HAPLN1: variants seen among roughly 807,000 people sequenced by gnomAD.
HAPLN1 encodes the protein Cartilage link protein.
In HAPLN1, 13 loss-of-function variants were observed where a neutral mutation model predicts 36.5. The observed-to-expected ratio is 0.36, with a 90% confidence interval of 0.23 to 0.57. The LOEUF is 0.57. HAPLN1 is among the 20% of genes least tolerant of loss of function. HAPLN1 has a pLI of 0.83. For synonymous variants in HAPLN1, 202 were observed against 169.8 expected (o/e 1.19, Z -1.48); for missense variants, 407 against 439.7 (o/e 0.93, Z 0.66).
intron 1 of HAPLN1, chr5:83,682,527 C>T (rs1387098460): frequency 1.3e-5 from 2 of 152,214 alleles, no homozygotes; most frequent in Non-Finnish European, 2.9e-5. Context: ...CTCCAATGCA[C>T]TTCATGCAGT....
chr5:83,655,442 C>T (rs1288945221), intron 2 of HAPLN1, among the ~76,000 whole-genome samples: 2 of 151,844 alleles, frequency 1.3e-5, no homozygotes, highest in East Asian at 1.9e-4. Context: ...CAAACATCCA[C>T]TGACCCTCAC....
intron 1 of HAPLN1, among the ~76,000 whole-genome samples, chr5:83,677,839 A>C (rs1750894019): frequency 6.6e-6 from 1 of 152,214 alleles, no homozygotes; most frequent in Admixed American, 6.5e-5. Context: ...AAAATAGTGA[A>C]TCAAGGACAT....
intron 1 of HAPLN1, among the ~76,000 whole-genome samples, chr5:83,690,360 G>A (rs1225536575): frequency 1.3e-5 from 2 of 152,056 alleles, no homozygotes; most frequent in African/African-American, 2.4e-5. Context: ...GTAGAAACAG[G>A]TTTTTTAGTA....
intron 1 of HAPLN1, among the ~76,000 whole-genome samples, chr5:83,685,316 G>A (rs1210689627): frequency 1.3e-5 from 2 of 152,118 alleles, no homozygotes; most frequent in East Asian, 3.9e-4. Flanking sequence ...ATGCCTCTGT[G>A]GCTTTGCACT....
At chr5:83,676,891 T>C (rs1156459583) in intron 1 of HAPLN1, among the ~76,000 whole-genome samples, 1 of 152,188 alleles carries the variant, frequency 6.6e-6, no homozygotes, top group Non-Finnish European at 1.5e-5. Context: ...TCTATGTTCA[T>C]AGTCAAAGAC....
chr5:83,718,092 T>C (rs1216943361), intron 1 of HAPLN1, among the ~76,000 whole-genome samples: 4 of 152,220 alleles, frequency 2.6e-5, no homozygotes, highest in Non-Finnish European at 4.4e-5. Flanking sequence ...GACCTGTCTG[T>C]CTAAAACAAA....
intron 2 of HAPLN1, among the ~76,000 whole-genome samples, chr5:83,666,672 G>C (rs1750560325): frequency 6.6e-6 from 1 of 151,906 alleles, no homozygotes; most frequent in African/African-American, 2.4e-5. Flanking sequence ...AAATTTAATG[G>C]ATATAGTTCA....
At chr5:83,657,423 T>C (rs1370007765) in intron 2 of HAPLN1, among the ~76,000 whole-genome samples, 1 of 152,132 alleles carries the variant, frequency 6.6e-6, no homozygotes, top group East Asian at 1.9e-4. Flanking sequence ...AGTCATATCT[T>C]AAACTTAGGT....
At chr5:83,690,080 C>T (rs1390312031) in intron 1 of HAPLN1, among the ~76,000 whole-genome samples, 1 of 151,954 alleles carries the variant, frequency 6.6e-6, no homozygotes, top group Non-Finnish European at 1.5e-5. Flanking sequence ...ATTGAGGAGG[C>T]AATCTTCAGT....
chr5:83,651,040 G>A (rs1750048888), intron 3 of HAPLN1, among the ~76,000 whole-genome samples: 1 of 151,876 alleles, frequency 6.6e-6, no homozygotes, highest in Non-Finnish European at 1.5e-5. Context: ...TGTATTTCTG[G>A]TAAGTTATAC....
intron 1 of HAPLN1, among the ~76,000 whole-genome samples, chr5:83,710,421 A>C (rs1195571236): frequency 6.6e-6 from 1 of 152,114 alleles, no homozygotes; most frequent in Non-Finnish European, 1.5e-5. Flanking sequence ...AAAAGCACTG[A>C]AAAAAAGTAA....
intron 1 of HAPLN1, chr5:83,703,304 C>T (rs1751552943): frequency 6.6e-6 from 1 of 152,154 alleles, no homozygotes; most frequent in Admixed American, 6.5e-5. Flanking sequence ...ATCATCTCCT[C>T]AATGTTTCTA....
intron 3 of HAPLN1, among the ~76,000 whole-genome samples, chr5:83,650,203 C>G (rs1207720994): frequency 1.3e-5 from 2 of 152,294 alleles, no homozygotes; most frequent in East Asian, 3.9e-4. Flanking sequence ...AGGCTTCATG[C>G]AATACCTTTG....
At chr5:83,684,777 C>A (rs1751083565) in intron 1 of HAPLN1, among the ~76,000 whole-genome samples, 2 of 152,078 alleles carry the variant, frequency 1.3e-5, no homozygotes, top group Non-Finnish European at 2.9e-5. Context: ...CTAGTGCAAT[C>A]AGGCATTCCA....
intron 1 of HAPLN1, among the ~76,000 whole-genome samples, chr5:83,714,278 C>T (rs1561327182): frequency 6.6e-6 from 1 of 152,116 alleles, no homozygotes; most frequent in Non-Finnish European, 1.5e-5. Flanking sequence ...ATTTAATAGG[C>T]TGTGAGCACA....
intron 1 of HAPLN1, among the ~76,000 whole-genome samples, chr5:83,685,234 G>T (rs888003778): frequency 6.6e-6 from 1 of 152,194 alleles, no homozygotes; most frequent in South Asian, 2.1e-4. Context: ...TAGAATGCAA[G>T]CTCCAGGAGG....
intron 1 of HAPLN1, among the ~76,000 whole-genome samples, chr5:83,676,185 C>T (rs71594677): frequency 4.0e-4 from 39 of 97,876 alleles, no homozygotes; most frequent in Admixed American, 6.7e-4. Context: ...CACAGAGATA[C>T]GCACACATAT....
At chr5:83,716,208 T>C (rs1008404445) in intron 1 of HAPLN1, among the ~76,000 whole-genome samples, 4 of 152,214 alleles carry the variant, frequency 2.6e-5, no homozygotes, top group East Asian at 1.9e-4. Context: ...ACCATAAACA[T>C]AATTTGAATA....
chr5:83,670,652 A>G (rs1750683604), intron 2 of HAPLN1, among the ~76,000 whole-genome samples: 1 of 151,412 alleles, frequency 6.6e-6, no homozygotes, highest in African/African-American at 2.4e-5. Flanking sequence ...TACACTTGCT[A>G]TTTTCTTTCC....
Sources: allele counts gnomAD v4.1 joint callset (sites outside exome capture counted in the v4.1 genomes callset), GRCh38; gene constraint gnomAD v4.1.1; transcripts MANE v1.5; gene names NCBI Gene and HGNC (gene_info 2026-07-23, HGNC 2026-07-21).